TENT2: variants seen among roughly 807,000 people sequenced by gnomAD.
TENT2 encodes the protein terminal nucleotidyltransferase 2.
Under a neutral mutation model 72.2 loss-of-function variants are expected in TENT2, and 44 were observed. The observed-to-expected ratio is 0.61, with a 90% confidence interval of 0.48 to 0.78. The LOEUF is 0.78. TENT2 is among the 30% of genes least tolerant of loss of function. The pLI, the probability that TENT2 is intolerant of heterozygous loss-of-function variation, is 0.00. For synonymous variants in TENT2, 212 were observed against 192.5 expected (o/e 1.10, Z -0.84); for missense variants, 541 against 569.6 (o/e 0.95, Z 0.51).
At chr5:79,655,287 C>T (rs1797107306) in intron 10 of TENT2, among the ~76,000 whole-genome samples, 1 of 152,042 alleles carries the variant, frequency 6.6e-6, no homozygotes, top group African/African-American at 2.4e-5. Flanking sequence ...AATGATAACC[C>T]TGCCTCCAAA....
At chr5:79,625,145 G>A (rs1340431934) in intron 4 of TENT2, among the ~76,000 whole-genome samples, 3 of 152,130 alleles carry the variant, frequency 2.0e-5, no homozygotes, top group Non-Finnish European at 4.4e-5. Flanking sequence ...TTTCCCTAAT[G>A]CCTAATGATA....
chr5:79,618,613 A>T (rs1185352300), intron 1 of TENT2, among the ~76,000 whole-genome samples: 3 of 151,060 alleles, frequency 2.0e-5, no homozygotes, highest in Non-Finnish European at 1.5e-5. Context: ...TTGAGTGTTC[A>T]TTTGTTCCTG....
chr5:79,679,764 T>C, intron 13 of TENT2, 94 bp downstream of exon 13: 1 of 648,050 alleles, frequency 1.5e-6, no homozygotes, highest in East Asian at 3.3e-5. Flanking sequence ...AATACATTTA[T>C]GTCTGAAGTG....
At chr5:79,650,310 C>T (rs1002808879) in intron 10 of TENT2, among the ~76,000 whole-genome samples, 1 of 152,028 alleles carries the variant, frequency 6.6e-6, no homozygotes, top group Admixed American at 6.6e-5. Flanking sequence ...AAAACAATTA[C>T]CTTCTTCATG....
chr5:79,659,313 T>C (rs1487951778), intron 11 of TENT2, among the ~76,000 whole-genome samples: 1 of 151,210 alleles, frequency 6.6e-6, no homozygotes, highest in African/African-American at 2.4e-5. Flanking sequence ...GGTGGGTGGA[T>C]CACGAGGTCA....
intron 7 of TENT2, chr5:79,644,787 C>T (rs1335973744): frequency 5.4e-6 from 1 of 183,690 alleles, no homozygotes; most frequent in South Asian, 1.8e-4. Context: ...TCTACAGTTA[C>T]CATGATACCT....
At chr5:79,633,386 T>A (rs1452594230) in intron 4 of TENT2, among the ~76,000 whole-genome samples, 2 of 151,672 alleles carry the variant, frequency 1.3e-5, no homozygotes, top group African/African-American at 2.4e-5. Context: ...GCAAAAAAAA[T>A]TTACATTGTA....
chr5:79,663,881 A>C (rs2150490642), intron 11 of TENT2, among the ~76,000 whole-genome samples: 1 of 152,330 alleles, frequency 6.6e-6, no homozygotes, highest in South Asian at 2.1e-4. Flanking sequence ...CAGTAAAGTG[A>C]AGTGCAACAA....
intron 10 of TENT2, among the ~76,000 whole-genome samples, chr5:79,651,179 T>G (rs201502025): frequency 6.6e-6 from 1 of 152,020 alleles, no homozygotes; most frequent in East Asian, 1.9e-4. Context: ...TTGTTTTTTT[T>G]GCAAAGGTTT....
Position 79,642,930 on chromosome 5 carries a change from A to G in TENT2, c.751+20A>G. The G allele has an allele frequency of 6.2e-7, 1 of 1,606,128 alleles. No homozygotes were observed. The highest frequency in any genetic ancestry group is 8.5e-7 in the Non-Finnish European group (1 of 1,177,100). ...GACTTTGTAAGTCTGACATGCCTCAAGTTTGTATGTCACCTGACGTAACTT... is the reference window on the plus strand; with the variant it reads ...GACTTTGTAAGTCTGACATGCCTCAGGTTTGTATGTCACCTGACGTAACTT... On this transcript the variant is annotated intron_variant, in intron 7 of 14. Transcript: ENST00000453514.
At chr5:79,615,182 G>A (rs555291022) in intron 1 of TENT2, 7 of 152,290 alleles carry the variant, frequency 4.6e-5, no homozygotes, top group Admixed American at 3.9e-4. Context: ...TTAAGCTGGG[G>A]ATAATTTGGT....
chr5:79,680,407 A>G (rs562756261), intron 13 of TENT2, among the ~76,000 whole-genome samples: 231 of 152,286 alleles, frequency 1.5e-3, no homozygotes, highest in African/African-American at 5.4e-3. Context: ...TGAATACTAA[A>G]CCCTGTTCTA....
chr5:79,625,057 A>G (rs1284019286), intron 4 of TENT2, among the ~76,000 whole-genome samples: 1 of 152,072 alleles, frequency 6.6e-6, no homozygotes, highest in African/African-American at 2.4e-5. Context: ...AACTTGCAAA[A>G]CTTGTTATTG....
intron 8 of TENT2, among the ~76,000 whole-genome samples, chr5:79,648,074 G>T (rs1443741477): frequency 6.6e-6 from 1 of 152,156 alleles, no homozygotes; most frequent in Non-Finnish European, 1.5e-5. Context: ...ATTTGAGAGT[G>T]TATAACTTAA....
At chr5:79,634,290 T>A (rs1211361167) in intron 4 of TENT2, among the ~76,000 whole-genome samples, 1 of 152,164 alleles carries the variant, frequency 6.6e-6, no homozygotes, top group Non-Finnish European at 1.5e-5. Context: ...TACAATATTT[T>A]TTAGGAAAAA....
intron 10 of TENT2, among the ~76,000 whole-genome samples, chr5:79,653,747 T>A (rs968243165): frequency 5.3e-5 from 8 of 152,154 alleles, no homozygotes; most frequent in African/African-American, 1.9e-4. Context: ...TTAAAATAGT[T>A]GCTTTTCTTG....
chr5:79,681,150 A>ATTTTTTTTTTTTTT (rs1158559796), intron 13 of TENT2, among the ~76,000 whole-genome samples: 7 of 44,740 alleles, frequency 1.6e-4, no homozygotes, highest in Admixed American at 2.9e-4. Context: ...CTTTTCTTTG[A>ATTTTTTTTTTTTTT]TTTTTTTTTT....
At chr5:79,623,219 C>T in intron 3 of TENT2, 33 bp from the exon 4 acceptor site, 1 of 1,465,640 alleles carries the variant, frequency 6.8e-7, no homozygotes, top group Non-Finnish European at 9.3e-7. Flanking sequence ...AAAGTTGTAT[C>T]TTTAATTACT....
chr5:79,657,266 G>GA (rs975964500), intron 11 of TENT2, among the ~76,000 whole-genome samples: 1 of 152,032 alleles, frequency 6.6e-6, no homozygotes, highest in African/African-American at 2.4e-5. Context: ...CACTAATGGA[G>GA]ATTAAATATA....
Sources: allele counts gnomAD v4.1 joint callset (sites outside exome capture counted in the v4.1 genomes callset), GRCh38; gene constraint gnomAD v4.1.1; transcripts MANE v1.5; gene names NCBI Gene and HGNC (gene_info 2026-07-23, HGNC 2026-07-21).